Variants in GPATCH8 observed in about 807,000 individuals in gnomAD.
GPATCH8 encodes the protein G patch domain-containing protein 8.
A neutral mutation model predicts 118.3 loss-of-function variants in GPATCH8; 18 were observed. That is an observed-to-expected ratio of 0.15 (90% CI 0.11 to 0.23). GPATCH8 has a LOEUF of 0.23. Ranked by LOEUF, GPATCH8 falls within the 10% of genes least tolerant of loss-of-function variation. The pLI is 1.00. For missense variants in GPATCH8, 1,631 were observed against 1,873.8 expected (o/e 0.87, Z 2.39); for synonymous variants, 659 against 684.7 (o/e 0.96, Z 0.59).
intron 6 of GPATCH8, among the ~76,000 whole-genome samples, chr17:44,419,709 G>C (rs947040876): frequency 2.6e-5 from 4 of 151,178 alleles, no homozygotes; most frequent in Non-Finnish European, 4.4e-5. Context: ...CACCCAGGCT[G>C]AGGTGCAGTG....
chr17:44,429,566 T>C (rs1052952890), intron 5 of GPATCH8, among the ~76,000 whole-genome samples: 5 of 151,070 alleles, frequency 3.3e-5, no homozygotes, highest in African/African-American at 1.2e-4. Flanking sequence ...TCCCAGCACT[T>C]TGGGAGGCCA....
chr17:44,420,315 G>T (rs760236975), intron 6 of GPATCH8, among the ~76,000 whole-genome samples: 2 of 152,158 alleles, frequency 1.3e-5, no homozygotes, highest in Non-Finnish European at 2.9e-5. Context: ...GACTTAAAAT[G>T]ACAATAATTT....
At chr17:44,475,305 G>A (rs150241073) in intron 1 of GPATCH8, among the ~76,000 whole-genome samples, 21 of 151,740 alleles carry the variant, frequency 1.4e-4, no homozygotes, top group African/African-American at 4.6e-4. Context: ...GCTTGAACCC[G>A]GGAGGTGGGG....
At chr17:44,424,206 C>CA in intron 6 of GPATCH8, 143 bp downstream of exon 6, 1 of 676,274 alleles carries the variant, frequency 1.5e-6, no homozygotes, top group Non-Finnish European at 2.7e-6. Context: ...ACTGAAAAAA[C>CA]AAAGTGTGTT....
At chr17:44,444,910 T>C (rs2050822753) in intron 3 of GPATCH8, among the ~76,000 whole-genome samples, 1 of 152,214 alleles carries the variant, frequency 6.6e-6, no homozygotes, top group Non-Finnish European at 1.5e-5. Flanking sequence ...AACATGTTCG[T>C]AGCGGGTCTG....
chr17:44,497,171 T>A (rs1969717911), intron 1 of GPATCH8, among the ~76,000 whole-genome samples: 1 of 152,198 alleles, frequency 6.6e-6, no homozygotes, highest in African/African-American at 2.4e-5. Context: ...TCTATCTACT[T>A]CAAGCTAGAA....
intron 7 of GPATCH8, among the ~76,000 whole-genome samples, chr17:44,403,984 G>A (rs1158131593): frequency 1.3e-5 from 2 of 150,356 alleles, no homozygotes; most frequent in Non-Finnish European, 3.0e-5. Context: ...GTGAGCCACC[G>A]TGCCCGGCCA....
chr17:44,459,754 G>T (rs866759290), intron 3 of GPATCH8, among the ~76,000 whole-genome samples: 4 of 152,036 alleles, frequency 2.6e-5, no homozygotes, highest in Non-Finnish European at 4.4e-5. Flanking sequence ...AAGACTTGAG[G>T]GACTGGGAAA....
chr17:44,484,809 C>T (rs1188371631), intron 1 of GPATCH8, among the ~76,000 whole-genome samples: 2 of 152,064 alleles, frequency 1.3e-5, no homozygotes, highest in Non-Finnish European at 2.9e-5. Flanking sequence ...ATCATAAGTG[C>T]TATGATGTGT....
chr17:44,462,973 TCCA>T (rs1481595577), intron 3 of GPATCH8, among the ~76,000 whole-genome samples: 1 of 140,134 alleles, frequency 7.1e-6, no homozygotes, highest in Non-Finnish European at 1.5e-5. Flanking sequence ...AGAGCGAGAC[TCCA>T]CTTCAAAATA....
At chr17:44,478,601 T>C (rs571925083) in intron 1 of GPATCH8, among the ~76,000 whole-genome samples, 7 of 151,916 alleles carry the variant, frequency 4.6e-5, no homozygotes, top group African/African-American at 1.7e-4. Flanking sequence ...GGTTCAAGAC[T>C]GCTGTGAGCT....
chr17:44,418,278 G>T (rs1598439425), intron 6 of GPATCH8, among the ~76,000 whole-genome samples: 1 of 152,084 alleles, frequency 6.6e-6, no homozygotes, highest in African/African-American at 2.4e-5. Context: ...TGAATTTTAG[G>T]CCTCTTGAAA....
At chr17:44,485,057 G>A (rs1000670324) in intron 1 of GPATCH8, among the ~76,000 whole-genome samples, 2 of 151,616 alleles carry the variant, frequency 1.3e-5, no homozygotes, top group African/African-American at 4.8e-5. Context: ...TCAAGAGATC[G>A]CCCGCCTCAG....
intron 1 of GPATCH8, among the ~76,000 whole-genome samples, chr17:44,499,049 T>C (rs549589873): frequency 1.3e-5 from 2 of 152,328 alleles, no homozygotes; most frequent in East Asian, 1.9e-4. Context: ...ATTACTTACA[T>C]AGATTACAGA....
In GPATCH8 at chr17:44,399,644, G is replaced by C. The variant is rs748444931; in HGVS notation, c.2433C>G (p.Ser811Arg). ...TKRSSRSSHR[S>R]QPSSGDEDSD... ...TATCCTCATCTCCACTACTGGGTTG[G>C]CTCCGATGGCTAGACCGGCTGCTCC... is the stretch of plus-strand genomic sequence containing the variant. The change falls in exon 8 of 8, where the codon AGC becomes AGG. Residue 811 changes from serine (S) to arginine (R), a missense_variant. Ser to Arg is a moderately radical substitution (Grantham distance 110, BLOSUM62 -1). Coordinates refer to ENST00000591680, the MANE Select transcript of GPATCH8 (RefSeq NM_001002909.4). The C allele has an allele frequency of 6.2e-7, 1 of 1,614,162 alleles. No homozygotes were observed. Among genetic ancestry groups the C allele is most frequent in the Non-Finnish European group, 8.5e-7 (1 of 1,180,014 alleles).
At chr17:44,488,223 C>A (rs1255654065) in intron 1 of GPATCH8, among the ~76,000 whole-genome samples, 1 of 101,364 alleles carries the variant, frequency 9.9e-6, no homozygotes, top group African/African-American at 3.8e-5. Flanking sequence ...GTGCCTGACC[C>A]TTTTTTTTTT....
At chr17:44,426,709 C>T (rs976255110) in intron 5 of GPATCH8, among the ~76,000 whole-genome samples, 1 of 151,726 alleles carries the variant, frequency 6.6e-6, no homozygotes, top group Non-Finnish European at 1.5e-5. Context: ...TGAAAATGGT[C>T]CCAGAACAAT....
At chr17:44,414,079 A>ATATGTG (rs908415895) in intron 6 of GPATCH8, among the ~76,000 whole-genome samples, 9 of 129,892 alleles carry the variant, frequency 6.9e-5, no homozygotes, top group African/African-American at 2.7e-4. Flanking sequence ...ATATATATAT[A>ATATGTG]TGTGTGTGTA....
At chr17:44,431,378 G>GAAA (rs776468380) in intron 5 of GPATCH8, among the ~76,000 whole-genome samples, 40 of 47,746 alleles carry the variant, frequency 8.4e-4, no homozygotes, top group African/African-American at 1.1e-3. Flanking sequence ...TCTCAAAAAG[G>GAAA]AAAAAAAAAA....
Sources: allele counts gnomAD v4.1 joint callset (sites outside exome capture counted in the v4.1 genomes callset), GRCh38; gene constraint gnomAD v4.1.1; transcripts MANE v1.5; gene names NCBI Gene and HGNC (gene_info 2026-07-23, HGNC 2026-07-21).